ELP4: variants seen among roughly 807,000 people sequenced by gnomAD.
ELP4 encodes the protein elongator complex protein 4.
In ELP4, 51 loss-of-function variants were observed where a neutral mutation model predicts 48.9. The observed-to-expected ratio is 1.04, with a 90% CI of 0.83 to 1.32. ELP4 has a LOEUF of 1.32. Among genes scored for constraint, ELP4 ranks in the 40% most tolerant of loss-of-function variants. The probability of loss-of-function intolerance (pLI) is 0.00; values close to 1 mark genes in which losing one functional copy is unlikely to be tolerated. For missense variants in ELP4, 519 were observed against 514.6 expected (o/e 1.01, Z -0.08); for synonymous variants, 210 against 189.2 (o/e 1.11, Z -0.90).
intron 9 of ELP4, among the ~76,000 whole-genome samples, chr11:31,722,372 A>G (rs961758178): frequency 6.6e-6 from 1 of 152,210 alleles, no homozygotes; most frequent in African/African-American, 2.4e-5. Flanking sequence ...TTGAGCTAGT[A>G]TGAGTTTTTT....
intron 3 of ELP4, among the ~76,000 whole-genome samples, chr11:31,587,790 A>T (rs1957503462): frequency 6.6e-6 from 1 of 152,106 alleles, no homozygotes; most frequent in Admixed American, 6.5e-5. Context: ...GGCTTTTAAA[A>T]TTTTTTAGCT....
chr11:31,599,482 TACACACACAC>T (rs1158380515), intron 4 of ELP4: 1 of 94,836 alleles, frequency 1.1e-5, no homozygotes, highest in African/African-American at 3.6e-5. Flanking sequence ...CTCATTTTAA[TACACACACAC>T]ACACACACAC....
At chr11:31,567,311 G>A (rs974203582) in intron 3 of ELP4, among the ~76,000 whole-genome samples, 4 of 152,082 alleles carry the variant, frequency 2.6e-5, no homozygotes, top group East Asian at 1.9e-4. Context: ...GCAATTATTC[G>A]TGCAAGCACT....
At chr11:31,548,269 T>G (rs1403537200) in intron 3 of ELP4, among the ~76,000 whole-genome samples, 1 of 152,208 alleles carries the variant, frequency 6.6e-6, no homozygotes, top group Admixed American at 6.5e-5. Flanking sequence ...CCTTAGCGGA[T>G]AAGCAACTTC....
At chr11:31,763,364 C>T (rs1207931886) in intron 9 of ELP4, 2 of 1,532,866 alleles carry the variant, frequency 1.3e-6, no homozygotes. Flanking sequence ...TCCATCCCTT[C>T]AAAATTACTG....
chr11:31,769,066 A>G (rs1322651263), intron 9 of ELP4, among the ~76,000 whole-genome samples: 2 of 152,184 alleles, frequency 1.3e-5, no homozygotes, highest in Admixed American at 1.3e-4. Flanking sequence ...ATAAAAAACA[A>G]CAATTCCCCC....
intron 9 of ELP4, among the ~76,000 whole-genome samples, chr11:31,744,355 C>A (rs571494440): frequency 6.6e-6 from 1 of 152,132 alleles, no homozygotes; most frequent in Non-Finnish European, 1.5e-5. Flanking sequence ...CTATTCCAAT[C>A]AATAGAAAAA....
chr11:31,569,526 G>T (rs1407707304), intron 3 of ELP4, among the ~76,000 whole-genome samples: 2 of 152,080 alleles, frequency 1.3e-5, no homozygotes, highest in African/African-American at 2.4e-5. Flanking sequence ...CGAGGTGAGT[G>T]GATTACCTGA....
chr11:31,722,886 C>T (rs925423274), intron 9 of ELP4, among the ~76,000 whole-genome samples: 1 of 152,190 alleles, frequency 6.6e-6, no homozygotes, highest in Non-Finnish European at 1.5e-5. Flanking sequence ...CAGGTTTTTG[C>T]TCTTGCCAGC....
intron 3 of ELP4, among the ~76,000 whole-genome samples, chr11:31,553,847 T>C (rs1000570427): frequency 6.6e-6 from 1 of 151,858 alleles, no homozygotes; most frequent in African/African-American, 2.4e-5. Context: ...CCCCCAGCCA[T>C]GGATCAGTAC....
In ELP4 at chr11:31,577,959, A is replaced by G. The variant is rs1375927492; in HGVS notation, c.382-16811A>G. ...GTTCTGGCCAGGGCAGTCAGGCAAGAGAAAGAAATAAAGTGTGTTTAATTA... is the reference window on the plus strand; with the variant it reads ...GTTCTGGCCAGGGCAGTCAGGCAAGGGAAAGAAATAAAGTGTGTTTAATTA... On this transcript the variant is annotated intron_variant, in intron 3 of 9. Coordinates refer to ENST00000640961, the MANE Select transcript of ELP4 (RefSeq NM_019040.5). 2.0e-5 allele frequency among the ~76,000 whole-genome samples: 3 copies of G among 152,196 alleles called. No homozygotes were observed. In the East Asian group the frequency reaches 5.8e-4, roughly 29 times the overall value.
At position 31,783,045 on chromosome 11, in the gene ELP4, G is replaced by A. The variant is rs75692868; in HGVS notation, c.1144-348G>A. Among the ~76,000 whole-genome samples the A allele has an allele frequency of 6.2e-4, 95 of 152,242 alleles. No homozygotes were observed. The East Asian group carries it at 0.018, about 29-fold the overall frequency. On this transcript the variant is annotated intron_variant, in intron 9 of 9. Transcript: ENST00000640961. ...GCCAAAAAGAAAAAAGACATCTGCC[G>A]TTATTTATGCGATATTTCCAACGTT...
chr11:31,708,787 A>G (rs1426279082), intron 9 of ELP4, among the ~76,000 whole-genome samples: 2 of 152,098 alleles, frequency 1.3e-5, no homozygotes, highest in African/African-American at 4.8e-5. Context: ...TTCTGAATCA[A>G]ATATATATAT....
chr11:31,524,851 G>T (rs1956273903), intron 2 of ELP4, among the ~76,000 whole-genome samples: 1 of 152,080 alleles, frequency 6.6e-6, no homozygotes. Context: ...TGGGTGTGGT[G>T]GCATGTACCT....
chr11:31,518,137 G>A (rs1004152512), intron 1 of ELP4, among the ~76,000 whole-genome samples: 4 of 144,864 alleles, frequency 2.8e-5, no homozygotes, highest in African/African-American at 7.6e-5. Flanking sequence ...ACAGAGTTTC[G>A]CTCTTGTTGC....
intron 4 of ELP4, among the ~76,000 whole-genome samples, chr11:31,602,055 T>C (rs1957793600): frequency 6.6e-6 from 1 of 152,094 alleles, no homozygotes; most frequent in South Asian, 2.1e-4. Context: ...TCTGGTTTTT[T>C]CTTTTTTGCT....
intron 9 of ELP4, among the ~76,000 whole-genome samples, chr11:31,685,526 C>T (rs1273564987): frequency 1.3e-5 from 2 of 152,088 alleles, no homozygotes; most frequent in African/African-American, 4.8e-5. Context: ...TAGTGATTTA[C>T]ATTTGTAACA....
At chr11:31,694,256 G>A (rs113040246) in intron 9 of ELP4, among the ~76,000 whole-genome samples, 43,397 of 151,922 alleles carry the variant, frequency 0.29, 6,843 homozygotes, top group African/African-American at 0.42. Context: ...GTCCTGAATG[G>A]TATTGCCTAG....
At chr11:31,739,150 G>A (rs745606000) in intron 9 of ELP4, among the ~76,000 whole-genome samples, 1 of 151,850 alleles carries the variant, frequency 6.6e-6, no homozygotes, top group Non-Finnish European at 1.5e-5. Flanking sequence ...TGACAAATGG[G>A]GAATGTTAGG....
Sources: gnomAD v4.1 joint callset for allele counts (sites outside exome capture counted in the v4.1 genomes callset) on GRCh38, gnomAD v4.1.1 for gene constraint, MANE v1.5 for transcripts, NCBI Gene and HGNC (gene_info 2026-07-23, HGNC 2026-07-21) for gene names.